Variants in CDKL3 observed in about 807,000 individuals in gnomAD.
CDKL3 encodes the protein cyclin dependent kinase like 3.
A neutral mutation model predicts 69.3 loss-of-function variants in CDKL3; 65 were observed. That is an observed-to-expected ratio of 0.94 (90% CI 0.77 to 1.15). The LOEUF is 1.15. Ranked by LOEUF, CDKL3 falls within the 50% of genes most tolerant of loss-of-function variation. CDKL3 has a pLI of 0.00. For missense variants in CDKL3, 652 were observed against 689.2 expected, an observed-to-expected ratio of 0.95 and a Z score of 0.61; for synonymous variants, 202 against 221.6, an observed-to-expected ratio of 0.91 and a Z score of 0.79.
intron 2 of CDKL3, among the ~76,000 whole-genome samples, chr5:134,364,973 A>T (rs966914493): frequency 2.2e-5 from 3 of 134,016 alleles, no homozygotes; most frequent in Non-Finnish European, 4.9e-5. Context: ...TGCCTGGCTA[A>T]TTTTTTTTTT....
At chr5:134,371,363 T>TCCCGCGTCCCGCC, upstream of CDKL3, 1 of 625,792 alleles carries the variant, frequency 1.6e-6, no homozygotes, top group Admixed American at 3.0e-5. Flanking sequence ...GAAGGCGCGC[T>TCCCGCGTCCCGCC]CCCGCGTCCC....
intron 7 of CDKL3, 131 bp downstream of exon 7, chr5:134,312,161 A>G: frequency 1.5e-6 from 1 of 646,358 alleles, no homozygotes; most frequent in South Asian, 1.8e-5. Flanking sequence ...TACCTGATAC[A>G]ATAACTCAAT....
downstream of CDKL3, among the ~76,000 whole-genome samples, chr5:134,283,864 T>C (rs1764734573): frequency 6.6e-6 from 1 of 152,122 alleles, no homozygotes; most frequent in Non-Finnish European, 1.5e-5. Context: ...GGTACAGGCA[T>C]TGGATAAATA....
chr5:134,359,830 A>C (rs1755576235), intron 3 of CDKL3, 67 bp downstream of exon 3: 2 of 1,012,738 alleles, frequency 2.0e-6, no homozygotes, highest in East Asian at 5.5e-5. Context: ...ATAAAAATAA[A>C]ACAATGTATA....
Position 134,306,714 on chromosome 5 carries a change from A to G in CDKL3, c.1365-12T>C. ...CTCTTTCAGTTAACCTATTATTTAA[A>G]AATGAATGAGAAGTTACTAAAACTC... On this transcript the variant is annotated splice_polypyrimidine_tract_variant and intron_variant, in intron 9 of 12. Coordinates refer to ENST00000265334, the MANE Select transcript of CDKL3 (RefSeq NM_001113575.2). The G allele has an allele frequency of 6.9e-7, 1 of 1,439,176 alleles. No homozygotes were observed. The highest frequency in any genetic ancestry group is 9.5e-7 in the Non-Finnish European group (1 of 1,054,034). 89.2% of individuals were successfully genotyped at this position (1,439,176 alleles called of 1,614,324 possible).
downstream of CDKL3, among the ~76,000 whole-genome samples, chr5:134,295,192 A>G (rs943249192): frequency 6.6e-6 from 1 of 151,476 alleles, no homozygotes; most frequent in African/African-American, 2.4e-5. Flanking sequence ...AATTTTTTAA[A>G]TTTTTAGTAG....
Position 134,350,428 on chromosome 5 carries a change from C to T in CDKL3, c.361-1G>A. On this transcript the variant is annotated splice_acceptor_variant, in intron 3 of 12. Transcript: ENST00000265334. LOFTEE classifies it high-confidence loss of function. Reference sequence around the variant, plus strand: ...CAGGTTTTATATCTCGATGAATGATCTAAAAAACAAACAGAATACAAAATA... The same window carrying T: ...CAGGTTTTATATCTCGATGAATGATTTAAAAAACAAACAGAATACAAAATA... 4 of 1,521,866 alleles carry T rather than the reference C, an allele frequency of 2.6e-6. No homozygotes were observed. The highest frequency in any genetic ancestry group is 3.6e-6 in the Non-Finnish European group (4 of 1,122,580). 94.3% of individuals were successfully genotyped at this position (1,521,866 alleles called of 1,614,324 possible).
At chr5:134,321,187 T>C (rs184023846) in intron 5 of CDKL3, among the ~76,000 whole-genome samples, 4 of 151,816 alleles carry the variant, frequency 2.6e-5, no homozygotes, top group Non-Finnish European at 5.9e-5. Context: ...TTTTTTTGTA[T>C]TTTTAGTAGA....
upstream of CDKL3, among the ~76,000 whole-genome samples, chr5:134,367,995 A>G (rs1421981128): frequency 1.3e-5 from 2 of 152,228 alleles, no homozygotes; most frequent in African/African-American, 4.8e-5. Context: ...GCTTTCTTCT[A>G]TAAAATGAGT....
intron 2 of CDKL3, among the ~76,000 whole-genome samples, chr5:134,364,815 TTTTTC>T (rs1483247148): frequency 6.9e-6 from 1 of 144,772 alleles, no homozygotes; most frequent in Non-Finnish European, 1.5e-5. Context: ...GCCCTTTTTT[TTTTTC>T]TTTTGAGATG....
At position 134,360,044 on chromosome 5, in the gene CDKL3, C is replaced by G; in HGVS notation, c.213G>C (p.Gln71His). The G allele has an allele frequency of 6.4e-7, 1 of 1,552,016 alleles. No individual in the cohort carries two copies. Among genetic ancestry groups the G allele is most frequent in the Non-Finnish European group, 8.7e-7 (1 of 1,147,732 alleles). ...CAAATACCAAATGAATTTTCTTTTT[C>G]TGTCTAAAAACTTCAATCAGATTGA... ...NLVNLIEVFRQKKKIHLVFEF... is the reference protein window; with the variant it reads ...NLVNLIEVFRHKKKIHLVFEF... Residue 71 changes from glutamine to histidine, a missense_variant, in exon 3 of 13, where the codon CAG becomes CAC. Physicochemically the swap from Gln to His is conservative, Grantham distance 24. Coordinates refer to ENST00000265334, the MANE Select transcript of CDKL3 (RefSeq NM_001113575.2).
chr5:134,307,909 T>C, intron 9 of CDKL3: 1 of 552,910 alleles, frequency 1.8e-6, no homozygotes, highest in Non-Finnish European at 2.7e-6. Flanking sequence ...TTTAATAAGG[T>C]TTTTCAAGAA....
At chr5:134,305,956 T>A (rs139659673) in intron 10 of CDKL3, among the ~76,000 whole-genome samples, 225 of 152,304 alleles carry the variant, frequency 1.5e-3, no homozygotes, top group African/African-American at 5.2e-3. Flanking sequence ...CAATTGTTTT[T>A]AATCCATAAA....
Position 134,319,498 on chromosome 5 carries a change from C to CT in CDKL3, c.653-2dup, listed in dbSNP as rs1411739316. The stretch of plus-strand genomic sequence containing the variant: ...TTCTGCAAGTGAGGTGACAAATTGC[C>CT]TGAAAAGAGAAAAAAATGTATATTT... On this transcript the variant is annotated splice_acceptor_variant, in intron 5 of 12. Coordinates refer to ENST00000265334, the MANE Select transcript of CDKL3 (RefSeq NM_001113575.2). LOFTEE classifies it high-confidence loss of function. The CT allele has an allele frequency of 6.6e-7, 1 of 1,516,782 alleles. No homozygotes were observed. Among genetic ancestry groups the CT allele is most frequent in the African/African-American group, 1.4e-5 (1 of 70,302 alleles). The allele number at this position is 1,516,782 out of a possible 1,614,324, so 94.0% of individuals were successfully genotyped here.
chr5:134,367,212 C>A (rs1757658086), upstream of CDKL3: 2 of 985,706 alleles, frequency 2.0e-6, no homozygotes, highest in East Asian at 1.1e-4. Flanking sequence ...GGGTCCCGAC[C>A]CGGAAGGGGA....
intron 4 of CDKL3, among the ~76,000 whole-genome samples, chr5:134,323,819 C>T (rs148781387): frequency 6.6e-6 from 1 of 151,978 alleles, no homozygotes; most frequent in African/African-American, 2.4e-5. Flanking sequence ...TTTTTAGATA[C>T]AACACCAAAA....
intron 4 of CDKL3, among the ~76,000 whole-genome samples, chr5:134,338,750 G>C (rs566148985): frequency 2.5e-4 from 38 of 151,916 alleles, no homozygotes; most frequent in Middle Eastern, 3.4e-3. Context: ...AAAATAATTA[G>C]GAAATAATCA....
intron 4 of CDKL3, among the ~76,000 whole-genome samples, chr5:134,333,990 C>T (rs1370282105): frequency 5.9e-5 from 9 of 152,078 alleles, no homozygotes; most frequent in South Asian, 2.1e-4. Flanking sequence ...ATTTCAGAAC[C>T]TGTTATTGGT....
intron 2 of CDKL3, among the ~76,000 whole-genome samples, chr5:134,365,682 G>T (rs1171828073): frequency 6.6e-6 from 1 of 152,086 alleles, no homozygotes; most frequent in Non-Finnish European, 1.5e-5. Flanking sequence ...TAGCCTAAAA[G>T]ACTTTAAAAT....
Sources: allele counts gnomAD v4.1 joint callset (sites outside exome capture counted in the v4.1 genomes callset), GRCh38; gene constraint gnomAD v4.1.1; transcripts MANE v1.5; gene names NCBI Gene and HGNC (gene_info 2026-07-23, HGNC 2026-07-21).